H2BC5: variants seen among roughly 807,000 people sequenced by gnomAD.
The protein encoded by H2BC5 is histone H2B type 1-D.
Under a neutral mutation model 5.7 loss-of-function variants are expected in H2BC5, and 9 were observed. That is an observed-to-expected ratio of 1.57 (90% CI 0.95 to 2.74). The LOEUF (loss-of-function observed/expected upper bound fraction) is 2.74. Among genes scored for constraint, H2BC5 ranks in the 30% most tolerant of loss-of-function variants. H2BC5 has a pLI of 0.00. For missense variants in H2BC5, 175 were observed against 168.8 expected (o/e 1.04, Z -0.20); for synonymous variants, 133 against 70.9 (o/e 1.88, Z -4.40).
rs139665612 is a variant in H2BC5, at chr6:26,167,834, C to T, written c.*10-3141C>T. Among the ~76,000 whole-genome samples, 713 of 152,026 alleles carry T rather than the reference C, an allele frequency of 4.7e-3. 5 individuals carry two copies. Among genetic ancestry groups the T allele is most frequent in the African/African-American group, 0.017 (689 of 41,508 alleles). On this transcript the variant is annotated intron_variant, in intron 1 of 1. Coordinates refer to the H2BC5 transcript ENST00000289316. ...GCTTTGTAGAGAAGGTTGCACCTTA[C>T]GCTCATAATAGATTATCTTTACTAT...
intron 1 of H2BC5, among the ~76,000 whole-genome samples, chr6:26,169,293 C>T (rs1259939921): frequency 1.3e-5 from 2 of 152,150 alleles, no homozygotes; most frequent in East Asian, 3.8e-4. Context: ...GCTGCATATA[C>T]ACAGAGAGAT....
chr6:26,158,726 A>C, downstream of H2BC5: 1 of 1,068,614 alleles, frequency 9.4e-7, no homozygotes, highest in Non-Finnish European at 1.3e-6. Flanking sequence ...TGGAAGTTAC[A>C]GGGAATAACA....
In H2BC5 at chr6:26,158,436, C is replaced by G; in HGVS notation, c.267C>G (p.Thr89=). Residue 89 remains threonine (T), a synonymous_variant, in exon 1 of 1, where the codon ACC becomes ACG. Coordinates refer to ENST00000377777, the MANE Select transcript of H2BC5 (RefSeq NM_021063.4). The part of the protein sequence containing the change: ...SRLAHYNKRS[T]ITSREIQTAV... ...TGGCGCATTACAACAAGCGCTCGAC[C>G]ATCACCTCCAGGGAGATCCAGACGG... 1 of 1,614,290 alleles carries G rather than the reference C, an allele frequency of 6.2e-7. No individual in the cohort carries two copies. The highest frequency in any genetic ancestry group is 1.1e-5 in the South Asian group (1 of 91,092).
intron 1 of H2BC5, among the ~76,000 whole-genome samples, chr6:26,169,505 T>C (rs1764484908): frequency 6.6e-6 from 1 of 152,186 alleles, no homozygotes; most frequent in Non-Finnish European, 1.5e-5. Context: ...AATTTTTGAG[T>C]AATAAAATAT....
At chr6:26,160,126 A>G (rs1403810866), downstream of H2BC5, among the ~76,000 whole-genome samples, 1 of 151,916 alleles carries the variant, frequency 6.6e-6, no homozygotes, top group African/African-American at 2.4e-5. Context: ...TTCTACTGCT[A>G]AGGCTTGGAC....
At position 26,158,121 on chromosome 6, in the gene H2BC5, GATT is replaced by G; in HGVS notation, c.-45_-43del. Reference sequence around the variant, plus strand: ...AAATGAACAGGGCCTCGGCGGGAGTGATTATTTTCTCAGGTGTTTGCAACAGTG... The same window carrying G: ...AAATGAACAGGGCCTCGGCGGGAGTGATTTTCTCAGGTGTTTGCAACAGTG... On this transcript the variant is annotated 5_prime_UTR_variant, in exon 1 of 1. Coordinates refer to ENST00000377777, the MANE Select transcript of H2BC5 (RefSeq NM_021063.4). 3.8e-6 allele frequency: 6 copies of G among 1,572,342 alleles called. No individual in the cohort carries two copies. Among genetic ancestry groups the G allele is most frequent in the Non-Finnish European group, 5.2e-6 (6 of 1,160,716 alleles).
intron 1 of H2BC5, among the ~76,000 whole-genome samples, chr6:26,168,523 A>C (rs1764470829): frequency 6.6e-6 from 1 of 152,114 alleles, no homozygotes; most frequent in Non-Finnish European, 1.5e-5. Context: ...AATGTAAAAA[A>C]TTTATGAACA....
rs754981532 is a variant in H2BC5 at position 26,158,146 on chromosome 6, A to G, written c.-24A>G. 14 of 1,600,320 alleles carry G rather than the reference A, an allele frequency of 8.7e-6. No homozygotes were observed. The highest frequency in any genetic ancestry group is 4.5e-5 in the East Asian group (2 of 44,810). ...GATTATTTTCTCAGGTGTTTGCAAC[A>G]GTGTTCTAACTATTAACGCTACGAT... is the stretch of plus-strand genomic sequence containing the variant. On this transcript the variant is annotated 5_prime_UTR_variant, in exon 1 of 1. Coordinates refer to ENST00000377777, the MANE Select transcript of H2BC5 (RefSeq NM_021063.4).
At chr6:26,163,610 G>A (rs1017104307) in intron 1 of H2BC5, 3 of 152,154 alleles carry the variant, frequency 2.0e-5, no homozygotes, top group Non-Finnish European at 4.4e-5. Flanking sequence ...GGAGGCCTCA[G>A]TTCCTTGCCC....
intron 1 of H2BC5, among the ~76,000 whole-genome samples, chr6:26,165,136 G>A (rs1487858298): frequency 6.6e-6 from 1 of 152,134 alleles, no homozygotes; most frequent in Non-Finnish European, 1.5e-5. Context: ...CACAGAAAAT[G>A]ATGTCTATCC....
At chr6:26,166,098 G>A (rs1188890912) in intron 1 of H2BC5, among the ~76,000 whole-genome samples, 2 of 152,184 alleles carry the variant, frequency 1.3e-5, no homozygotes, top group African/African-American at 4.8e-5. Flanking sequence ...TGGTGGTCCT[G>A]TTGCTCACTT....
downstream of H2BC5, chr6:26,158,701 G>A (rs1764286180): frequency 8.8e-6 from 11 of 1,252,016 alleles, no homozygotes; most frequent in South Asian, 1.7e-4. Context: ...CGTTAGTACT[G>A]CAGAGGAAAT....
Position 26,167,897 on chromosome 6 carries a change from A to G in H2BC5, c.*10-3078A>G, listed in dbSNP as rs540586872. 3.3e-4 allele frequency among the ~76,000 whole-genome samples: 50 copies of G among 151,402 alleles called. 1 individual carries two copies. The South Asian group carries it at 0.01, about 31-fold the overall frequency. The stretch of plus-strand genomic sequence containing the variant: ...CATATTTATTTATTTATTTATTTTT[A>G]TTTTTTTATTATTATACTTTAAGTT... On this transcript the variant is annotated intron_variant, in intron 1 of 1. Coordinates refer to the H2BC5 transcript ENST00000289316.
chr6:26,163,958 A>T (rs1764385278), intron 1 of H2BC5: 1 of 281,380 alleles, frequency 3.6e-6, no homozygotes, highest in Non-Finnish European at 7.2e-6. Context: ...TTCAATATAA[A>T]CAAGTCACTG....
At chr6:26,159,728 GTT>G (rs1346040832), downstream of H2BC5, among the ~76,000 whole-genome samples, 2 of 152,192 alleles carry the variant, frequency 1.3e-5, no homozygotes, top group Non-Finnish European at 2.9e-5. Context: ...GAATTTAGAA[GTT>G]TGTCCTCATG....
At position 26,158,346 on chromosome 6, in the gene H2BC5, A is replaced by C. The variant is rs1456789677; in HGVS notation, c.177A>C (p.Ala59=). The stretch of plus-strand genomic sequence containing the variant: ...CCGACACCGGCATCTCTTCCAAGGC[A>C]ATGGGGATCATGAATTCCTTCGTCA... The part of the protein sequence containing the change: ...VHPDTGISSK[A]MGIMNSFVND... The change falls in exon 1 of 1, where the codon GCA becomes GCC. Residue 59 remains alanine (A), a synonymous_variant. Transcript: ENST00000377777. The C allele has an allele frequency of 1.9e-6, 3 of 1,614,152 alleles. No homozygotes were observed. The highest frequency in any genetic ancestry group is 1.1e-5 in the South Asian group (1 of 91,094).
chr6:26,169,935 G>T (rs555179517), intron 1 of H2BC5, among the ~76,000 whole-genome samples: 125 of 152,158 alleles, frequency 8.2e-4, no homozygotes, highest in African/African-American at 2.9e-3. Flanking sequence ...AAAAAGGGGG[G>T]TGAGGGAAAG....
At position 26,158,409 on chromosome 6, in the gene H2BC5, C is replaced by T; in HGVS notation, c.240C>T (p.Arg80=). ...IFERIAGEAS[R]LAHYNKRSTI... ...AGCGCATCGCAGGCGAGGCTTCCCG[C>T]CTGGCGCATTACAACAAGCGCTCGA... Residue 80 remains arginine (R), a synonymous_variant, in exon 1 of 1, where the codon CGC becomes CGT. Transcript: ENST00000377777. 3 of 1,614,296 alleles carry T rather than the reference C, an allele frequency of 1.9e-6. No homozygotes were observed. Among genetic ancestry groups the T allele is most frequent in the Non-Finnish European group, 2.5e-6 (3 of 1,180,046 alleles).
downstream of H2BC5, chr6:26,158,645 AG>A: frequency 1.9e-6 from 3 of 1,542,194 alleles, no homozygotes; most frequent in South Asian, 1.2e-5. Context: ...TTCATTCAAA[AG>A]GGGGGTTATT....
Sources: gnomAD v4.1 joint callset for allele counts (sites outside exome capture counted in the v4.1 genomes callset) on GRCh38, gnomAD v4.1.1 for gene constraint, MANE v1.5 for transcripts, NCBI Gene and HGNC (gene_info 2026-07-23, HGNC 2026-07-21) for gene names.